Variants in DCDC1 observed in about 807,000 individuals in gnomAD.
DCDC1 encodes the protein doublecortin domain-containing protein 1.
Under a neutral mutation model 178.3 loss-of-function variants are expected in DCDC1, and 200 were observed. The ratio of observed to expected loss-of-function variants is 1.12; its 90% CI spans 1.00 to 1.26. DCDC1 has a LOEUF of 1.26. Ranked by LOEUF, DCDC1 falls within the 50% of genes most tolerant of loss-of-function variation. The pLI, the probability that DCDC1 is intolerant of heterozygous loss-of-function variation, is 0.00. For synonymous variants in DCDC1, 690 were observed against 604.8 expected (o/e 1.14, Z -2.07); for missense variants, 1,983 against 1,749.2 (o/e 1.13, Z -2.38).
intron 9 of DCDC1, among the ~76,000 whole-genome samples, chr11:31,213,309 A>G (rs892966300): frequency 6.6e-6 from 1 of 151,686 alleles, no homozygotes; most frequent in African/African-American, 2.4e-5. Context: ...TAGCCTTATC[A>G]TTGGTAAGTA....
chr11:31,143,207 C>A (rs1964050186), intron 9 of DCDC1, among the ~76,000 whole-genome samples: 1 of 151,906 alleles, frequency 6.6e-6, no homozygotes, highest in Admixed American at 6.6e-5. Flanking sequence ...GATGGAGTGG[C>A]TGGAGATGGA....
chr11:31,243,465 C>T (rs2136915260), intron 8 of DCDC1, among the ~76,000 whole-genome samples: 1 of 151,798 alleles, frequency 6.6e-6, no homozygotes, highest in East Asian at 1.9e-4. Context: ...GAATGATTTA[C>T]ACCCTAGAGT....
intron 9 of DCDC1, among the ~76,000 whole-genome samples, chr11:31,198,343 G>T (rs775807281): frequency 6.6e-6 from 1 of 151,958 alleles, no homozygotes; most frequent in Non-Finnish European, 1.5e-5. Flanking sequence ...TGTCTTGAAG[G>T]GGTGATCATG....
chr11:31,082,659 A>ATAATACATTTACACATATATATGTGTG (rs1300392155), intron 17 of DCDC1, among the ~76,000 whole-genome samples: 10 of 152,140 alleles, frequency 6.6e-5, no homozygotes, highest in Admixed American at 2.6e-4. Context: ...ATATATGTGC[A>ATAATACATTTACACATATATATGTGTG]TAATACATTT....
intron 9 of DCDC1, among the ~76,000 whole-genome samples, chr11:31,197,443 G>A (rs1970819373): frequency 6.6e-6 from 1 of 152,014 alleles, no homozygotes; most frequent in Non-Finnish European, 1.5e-5. Flanking sequence ...GATAATGCAT[G>A]CATTGCCTAA....
At chr11:30,909,704 T>C (rs1476919892) in intron 28 of DCDC1, among the ~76,000 whole-genome samples, 1 of 152,124 alleles carries the variant, frequency 6.6e-6, no homozygotes, top group Non-Finnish European at 1.5e-5. Context: ...TTCCAAAACA[T>C]GAATATAATA....
At chr11:31,196,057 C>T (rs560267441) in intron 9 of DCDC1, among the ~76,000 whole-genome samples, 1 of 152,060 alleles carries the variant, frequency 6.6e-6, no homozygotes, top group East Asian at 1.9e-4. Context: ...ATTCCCTCTT[C>T]CACCCTAGAC....
At position 31,137,691 on chromosome 11, in the gene DCDC1, C is replaced by A. The variant is rs947405410; in HGVS notation, c.1314+1G>T. On this transcript the variant is annotated splice_donor_variant, in intron 10 of 38. Transcript: ENST00000684477. LOFTEE classifies it high-confidence loss of function. Reference sequence around the variant, plus strand: ...TACAGTTTACAAAGTAATTTCCTTACTTCTTCCTGTTCCTTATGGTGTTCC... The same window carrying A: ...TACAGTTTACAAAGTAATTTCCTTAATTCTTCCTGTTCCTTATGGTGTTCC... 23 of 702,262 alleles carry A rather than the reference C, an allele frequency of 3.3e-5. No individual in the cohort carries two copies. The highest frequency in any genetic ancestry group is 5.5e-5 in the Non-Finnish European group (21 of 384,744). The allele number at this position is 702,262 out of a possible 1,614,324, so 43.5% of individuals were successfully genotyped here.
chr11:31,317,125 A>T (rs1312442328), intron 3 of DCDC1, among the ~76,000 whole-genome samples: 1 of 29,250 alleles, frequency 3.4e-5, no homozygotes, highest in Admixed American at 4.5e-4. Flanking sequence ...CTTAGGATTG[A>T]CTTGGCAATG....
chr11:31,154,985 T>C (rs1488064769), intron 9 of DCDC1, among the ~76,000 whole-genome samples: 1 of 152,232 alleles, frequency 6.6e-6, no homozygotes, highest in Non-Finnish European at 1.5e-5. Context: ...CAAAGGGACA[T>C]TTATTGTATA....
In DCDC1 at chr11:31,201,340, C is replaced by A. The variant is rs1364599340; in HGVS notation, c.1221+40110G>T. Among the ~76,000 whole-genome samples, 3 of 151,456 alleles carry A rather than the reference C, an allele frequency of 2.0e-5. No individual in the cohort carries two copies. The East Asian group carries it at 5.8e-4, about 29-fold the overall frequency. ...AATATGTATCACCTATATACTTTTT[C>A]TTTGTGGCCATTTTATAAAGTTGAA... On this transcript the variant is annotated intron_variant, in intron 9 of 38. Coordinates refer to ENST00000684477, the MANE Select transcript of DCDC1 (RefSeq NM_001387274.1).
chr11:31,313,559 ATTTAT>A lies in DCDC1; in HGVS notation c.165-5656_165-5652del, dbSNP rs540075080. 2.8e-4 allele frequency among the ~76,000 whole-genome samples: 43 copies of A among 152,086 alleles called. 1 individual carries two copies. In the South Asian group the frequency reaches 7.5e-3, roughly 26 times the overall value. On this transcript the variant is annotated intron_variant, in intron 3 of 38. Transcript: ENST00000684477. ...TTAATTATATACATTTTACATTATA[ATTTAT>A]TTTAAGATCTACATTTTTAAGATCT...
chr11:30,879,365 G>T (rs553306911), intron 37 of DCDC1, among the ~76,000 whole-genome samples: 5 of 152,050 alleles, frequency 3.3e-5, no homozygotes, highest in Non-Finnish European at 7.4e-5. Flanking sequence ...CTTTTTTAAA[G>T]CATTCTGAAT....
intron 20 of DCDC1, among the ~76,000 whole-genome samples, chr11:31,046,410 T>C (rs1464259997): frequency 2.0e-5 from 3 of 152,076 alleles, no homozygotes. Context: ...TGCATCTTAG[T>C]AGCCATATAT....
chr11:30,987,480 CAAAT>C (rs1178626185), intron 20 of DCDC1, among the ~76,000 whole-genome samples: 2 of 152,060 alleles, frequency 1.3e-5, no homozygotes, highest in East Asian at 3.9e-4. Context: ...AATTAATAAA[CAAAT>C]AAAGAATATC....
intron 21 of DCDC1, among the ~76,000 whole-genome samples, chr11:30,945,418 G>A (rs1290023042): frequency 6.6e-6 from 1 of 151,922 alleles, no homozygotes; most frequent in Non-Finnish European, 1.5e-5. Context: ...TATTGGCCAG[G>A]TGCAGTGGCT....
chr11:31,219,484 C>T (rs904365218), intron 9 of DCDC1, among the ~76,000 whole-genome samples: 1 of 152,104 alleles, frequency 6.6e-6, no homozygotes, highest in African/African-American at 2.4e-5. Context: ...GGCTTAGAAA[C>T]CCCTTACTGT....
intron 31 of DCDC1, chr11:30,904,432 C>T (rs1414482611): frequency 6.3e-6 from 1 of 158,606 alleles, no homozygotes; most frequent in Admixed American, 5.9e-5. Flanking sequence ...TGGGTTTGGG[C>T]CTTCTAGCTT....
chr11:31,096,849 A>C (rs1175078035), intron 15 of DCDC1, among the ~76,000 whole-genome samples: 4 of 152,172 alleles, frequency 2.6e-5, no homozygotes, highest in Non-Finnish European at 4.4e-5. Flanking sequence ...GGACTATGAA[A>C]GTTGGGATTT....
Sources: allele counts gnomAD v4.1 joint callset (sites outside exome capture counted in the v4.1 genomes callset), GRCh38; gene constraint gnomAD v4.1.1; transcripts MANE v1.5; gene names NCBI Gene and HGNC (gene_info 2026-07-23, HGNC 2026-07-21).